Variants in ASPA observed in about 807,000 individuals in gnomAD.
ASPA encodes ACY-2.
In ASPA, 25 loss-of-function variants were observed where a neutral mutation model predicts 29.6. The ratio of observed to expected loss-of-function variants is 0.85; its 90% confidence interval spans 0.62 to 1.18. The LOEUF (loss-of-function observed/expected upper bound fraction) is 1.18. Among genes scored for constraint, ASPA ranks in the 50% most tolerant of loss-of-function variants. The pLI is 0.00. For synonymous variants in ASPA, 131 were observed against 130.3 expected (o/e 1.01, Z -0.04); for missense variants, 333 against 385.7 (o/e 0.86, Z 1.14).
intron 3 of ASPA, among the ~76,000 whole-genome samples, chr17:3,486,323 T>C (rs2073720860): frequency 6.6e-6 from 1 of 152,202 alleles, no homozygotes; most frequent in Non-Finnish European, 1.5e-5. Flanking sequence ...CTGTTCACTA[T>C]ACAGACATCC....
chr17:3,492,679 T>C (rs570334482), intron 4 of ASPA, among the ~76,000 whole-genome samples: 4 of 152,282 alleles, frequency 2.6e-5, no homozygotes, highest in African/African-American at 7.2e-5. Flanking sequence ...ACAGCCCACA[T>C]TGGCCTGCTG....
intron 5 of ASPA, among the ~76,000 whole-genome samples, chr17:3,498,679 A>C (rs1045328864): frequency 1.3e-5 from 2 of 152,202 alleles, no homozygotes; most frequent in African/African-American, 4.8e-5. Context: ...TTTCAATTAT[A>C]CAAATGCAAA....
Position 3,476,332 on chromosome 17 carries a change from TGAA to T in ASPA, c.178_180del (p.Lys60del). ...CCATTTATTACTAACCCCAGAGCAG[TGAA>T]GAAGTGTACCAGATATATTGACTGT... On this transcript the variant is annotated inframe_deletion, in exon 1 of 6. Coordinates refer to ENST00000263080, the MANE Select transcript of ASPA (RefSeq NM_000049.4). 1 of 1,614,136 alleles carries T rather than the reference TGAA, an allele frequency of 6.2e-7. No individual in the cohort carries two copies. The highest frequency in any genetic ancestry group is 2.2e-5 in the East Asian group (1 of 44,878).
intron 2 of ASPA, among the ~76,000 whole-genome samples, chr17:3,482,832 CA>C (rs35614631): frequency 0.36 from 54,306 of 149,382 alleles, 12,674 homozygotes; most frequent in Non-Finnish European, 0.54. Flanking sequence ...GGTACATGTG[CA>C]CCATGTGCAG....
Position 3,494,309 on chromosome 17 carries a change from A to G in ASPA, c.635-41A>G, listed in dbSNP as rs376352563. 1.3e-3 allele frequency: 1,879 copies of G among 1,468,380 alleles called. 1 individual carries two copies. The highest frequency in any genetic ancestry group is 1.7e-3 in the Non-Finnish European group (1,750 of 1,048,816). The allele number at this position is 1,468,380 out of a possible 1,614,324, so 91.0% of individuals were successfully genotyped here. A position where few individuals can be genotyped will look rare whatever the true frequency, so the allele number is the denominator to read the frequency against. On this transcript the variant is annotated intron_variant, in intron 4 of 5. Transcript: ENST00000263080. ...ATGAGCCACCACACCCGGCCCAGAGATGTTTTTAGTTGCCATTGATACATA... is the reference window on the plus strand; with the variant it reads ...ATGAGCCACCACACCCGGCCCAGAGGTGTTTTTAGTTGCCATTGATACATA...
In ASPA at chr17:3,503,202, GGAATGAAT is replaced by G. The variant is rs536159310; in HGVS notation, c.*4135_*4142del. 2.6e-4 allele frequency: 39 copies of G among 151,686 alleles called. No individual in the cohort carries two copies. The East Asian group carries it at 4.1e-3, about 16-fold the overall frequency. The allele number at this position is 151,686 out of a possible 1,614,324, so 9.4% of individuals were successfully genotyped here. On this transcript the variant is annotated 3_prime_UTR_variant, in exon 6 of 6. Coordinates refer to ENST00000263080, the MANE Select transcript of ASPA (RefSeq NM_000049.4). ...TTTACCAAAAATACTAACATTATCT[GGAATGAAT>G]GAATGAATGAATGAATGAATAAATA...
At chr17:3,492,394 CT>C (rs1194004611) in intron 4 of ASPA, among the ~76,000 whole-genome samples, 2 of 152,216 alleles carry the variant, frequency 1.3e-5, no homozygotes. Context: ...TCCTATCCAA[CT>C]TTTTGGTTTA....
rs149789677 is a variant in ASPA at position 3,497,746 on chromosome 17, G to A, written c.745-1145G>A. ...CCTGTTAACATGAAGATTTTGATTT[G>A]GTAGGTCTGCTGCGCATAATGAAAT... On this transcript the variant is annotated intron_variant, in intron 5 of 5. Transcript: ENST00000263080. 4.3e-3 allele frequency among the ~76,000 whole-genome samples: 661 copies of A among 152,266 alleles called. 4 individuals are homozygous for A. The highest frequency in any genetic ancestry group is 0.015 in the African/African-American group (630 of 41,554).
rs2073997090 is a variant in ASPA at position 3,502,045 on chromosome 17, G to C, written c.*2957G>C. Reference sequence around the variant, plus strand: ...ACAGAGAAATCTTTCACGAAAGGAAGAGTCAATCAATGCAGCGAACTTGTT... The same window carrying C: ...ACAGAGAAATCTTTCACGAAAGGAACAGTCAATCAATGCAGCGAACTTGTT... On this transcript the variant is annotated 3_prime_UTR_variant, in exon 6 of 6. Transcript: ENST00000263080. The C allele has an allele frequency of 6.6e-6, 1 of 152,138 alleles. No individual in the cohort carries two copies. The highest frequency in any genetic ancestry group is 2.1e-4 in the South Asian group (1 of 4,830). 9.4% of individuals were successfully genotyped at this position (152,138 alleles called of 1,614,324 possible). A position where few individuals can be genotyped will look rare whatever the true frequency, so the allele number is the denominator to read the frequency against.
chr17:3,491,877 C>CTTTTTTTTTTTTTTTT (rs540965896), intron 4 of ASPA, among the ~76,000 whole-genome samples: 1 of 123,062 alleles, frequency 8.1e-6, no homozygotes, highest in Non-Finnish European at 1.6e-5. Context: ...CTTTTGTTTT[C>CTTTTTTTTTTTTTTTT]TTTTTTTTTT....
At chr17:3,492,507 T>G (rs1241850014) in intron 4 of ASPA, among the ~76,000 whole-genome samples, 1 of 152,236 alleles carries the variant, frequency 6.6e-6, no homozygotes, top group African/African-American at 2.4e-5. Flanking sequence ...TGATGTTTCA[T>G]ATCCTTCTGT....
chr17:3,479,614 C>T (rs2073592831), intron 1 of ASPA, among the ~76,000 whole-genome samples: 1 of 152,008 alleles, frequency 6.6e-6, no homozygotes, highest in Non-Finnish European at 1.5e-5. Context: ...ACCATCTCAA[C>T]GTGGCCCTTT....
In ASPA at chr17:3,500,204, C is replaced by T. The variant is rs924680607; in HGVS notation, c.*1116C>T. Reference sequence around the variant, plus strand: ...TTAAGGAAAGAAGACAGCTCTAAAACCTACAAGTGGAAAGCGAACCAGCAA... The same window carrying T: ...TTAAGGAAAGAAGACAGCTCTAAAATCTACAAGTGGAAAGCGAACCAGCAA... On this transcript the variant is annotated 3_prime_UTR_variant, in exon 6 of 6. Transcript: ENST00000263080. 5 of 152,188 alleles carry T rather than the reference C, an allele frequency of 3.3e-5. No individual in the cohort carries two copies. Among genetic ancestry groups the T allele is most frequent in the Non-Finnish European group, 7.3e-5 (5 of 68,042 alleles). The allele number at this position is 152,188 out of a possible 1,614,324, so 9.4% of individuals were successfully genotyped here. A position where few individuals can be genotyped will look rare whatever the true frequency, so the allele number is the denominator to read the frequency against.
chr17:3,491,690 G>C (rs1315006033), intron 4 of ASPA, among the ~76,000 whole-genome samples: 5 of 151,982 alleles, frequency 3.3e-5, no homozygotes, highest in African/African-American at 1.2e-4. Context: ...AGAGATTGCA[G>C]TGAGCCGAGT....
chr17:3,483,543 T>C lies in ASPA; in HGVS notation c.477T>C (p.His159=). Residue 159 remains histidine, a synonymous_variant, in exon 3 of 6, where the codon CAT becomes CAC. Coordinates refer to ENST00000263080, the MANE Select transcript of ASPA (RefSeq NM_000049.4). ...CCTGCTACGTTTATCTGATTGAGCA[T>C]CCTTCCCTCAAATATGCGACCACTC... ...PLPCYVYLIE[H]PSLKYATTRS... The C allele has an allele frequency of 1.2e-6, 2 of 1,614,206 alleles. No individual in the cohort carries two copies. The highest frequency in any genetic ancestry group is 1.7e-6 in the Non-Finnish European group (2 of 1,180,024).
intron 5 of ASPA, among the ~76,000 whole-genome samples, chr17:3,497,182 T>A (rs1400908358): frequency 6.6e-6 from 1 of 152,140 alleles, no homozygotes; most frequent in Non-Finnish European, 1.5e-5. Flanking sequence ...GTGGCTCAGG[T>A]CTGGATAGCA....
At chr17:3,475,636 T>G (rs1489763355), upstream of ASPA, 2 of 162,654 alleles carry the variant, frequency 1.2e-5, no homozygotes, top group African/African-American at 4.8e-5. Flanking sequence ...AGAGGTGAGA[T>G]TCAAATGCCC....
chr17:3,477,127 C>A (rs947513230), intron 1 of ASPA, among the ~76,000 whole-genome samples: 4 of 151,724 alleles, frequency 2.6e-5, no homozygotes, highest in Non-Finnish European at 5.9e-5. Context: ...TGCACTCCAG[C>A]CTGGGAGACA....
rs2073996430 is a variant in ASPA, at chr17:3,501,973, A to G, written c.*2885A>G. On this transcript the variant is annotated 3_prime_UTR_variant, in exon 6 of 6. Transcript: ENST00000263080. ...ATCTCAAAAAAAAAAAAAAAAAAAA[A>G]ATGAGTTCTACTGTGAATAAAATGT... The G allele has an allele frequency of 1.3e-5, 2 of 152,176 alleles. No homozygotes were observed. Among genetic ancestry groups the G allele is most frequent in the Admixed American group, 1.3e-4 (2 of 15,292 alleles). 9.4% of individuals were successfully genotyped at this position (152,176 alleles called of 1,614,324 possible).
Sources: allele counts gnomAD v4.1 joint callset (sites outside exome capture counted in the v4.1 genomes callset), GRCh38; gene constraint gnomAD v4.1.1; transcripts MANE v1.5; gene names NCBI Gene and HGNC (gene_info 2026-07-23, HGNC 2026-07-21).